NLRP1: variants seen among roughly 807,000 people sequenced by gnomAD.
NLRP1 encodes the protein NLR family pyrin domain containing 1, also known as NACHT, LRR and PYD domains-containing protein 1.
In NLRP1, 94 loss-of-function variants were observed where a neutral mutation model predicts 136.7. The ratio of observed to expected loss-of-function variants is 0.69; its 90% CI spans 0.58 to 0.82. The LOEUF is 0.82. Among genes scored for constraint, NLRP1 ranks in the 40% least tolerant of loss-of-function variants. NLRP1 has a pLI of 0.00. For missense variants in NLRP1, 1,575 were observed against 1,802.7 expected (o/e 0.87, Z 2.29); for synonymous variants, 690 against 725.1 (o/e 0.95, Z 0.78).
Position 5,559,842 on chromosome 17 carries a change from T to C in NLRP1, c.854A>G (p.Gln285Arg), listed in dbSNP as rs1394944058. The change falls in exon 4 of 17, where the codon CAA (glutamine) becomes CGA (arginine). Residue 285 changes from glutamine to arginine, a missense_variant. By Grantham distance (43) the Gln-to-Arg change is conservative. Coordinates refer to ENST00000572272, the MANE Select transcript of NLRP1 (RefSeq NM_033004.4). ...ATCTTGGCTTCTGGGGTGAGGTCTT[T>C]GTAGAAGTAGCAGCTGTGTGAATTT... ...NQKFTQLLLL[Q>R]RPHPRSQDPL... 1.9e-6 allele frequency: 3 copies of C among 1,614,242 alleles called. No individual in the cohort carries two copies. In the East Asian group the frequency reaches 6.7e-5, roughly 36 times the overall value.
At chr17:5,523,849 A>G (rs1485222466) in intron 12 of NLRP1, among the ~76,000 whole-genome samples, 1 of 152,254 alleles carries the variant, frequency 6.6e-6, no homozygotes, top group African/African-American at 2.4e-5. Context: ...ATGAAAATAA[A>G]GTCACAGTGG....
intron 3 of NLRP1, among the ~76,000 whole-genome samples, chr17:5,563,511 A>C (rs761916470): frequency 2.0e-5 from 3 of 152,262 alleles, no homozygotes; most frequent in Admixed American, 6.5e-5. Flanking sequence ...GGATAGACCA[A>C]GCTGAGGAAA....
chr17:5,574,088 T>A (rs1170768917), intron 3 of NLRP1, among the ~76,000 whole-genome samples: 1 of 152,088 alleles, frequency 6.6e-6, no homozygotes, highest in Non-Finnish European at 1.5e-5. Context: ...CTAACTAAAA[T>A]AACCAGTGTA....
Position 5,553,508 on chromosome 17 carries a change from G to A in NLRP1, c.2406C>T (p.Ser802=), listed in dbSNP as rs144773865. ...TCAGGTTTCTGGTGACCTTGAGGAC[G>A]GAGAAGAGAATCTGCCAATAGGCAT... The part of the protein sequence containing the change: ...VTDAYWQILF[S]VLKVTRNLKE... The change falls in exon 5 of 17, where the codon TCC becomes TCT. Residue 802 remains serine (S), a synonymous_variant. Coordinates refer to ENST00000572272, the MANE Select transcript of NLRP1 (RefSeq NM_033004.4). 2.2e-3 allele frequency: 3,610 copies of A among 1,614,158 alleles called. 60 individuals are homozygous for A. In the African/African-American group the frequency reaches 0.038, roughly 17 times the overall value.
At chr17:5,580,003 G>A (rs1291838090) in intron 3 of NLRP1, among the ~76,000 whole-genome samples, 1 of 152,172 alleles carries the variant, frequency 6.6e-6, no homozygotes, top group Admixed American at 6.5e-5. Context: ...GGTGGCTGAG[G>A]TGGGTGGATC....
intron 3 of NLRP1, among the ~76,000 whole-genome samples, chr17:5,561,293 G>T (rs1240009516): frequency 2.0e-5 from 3 of 152,162 alleles, no homozygotes; most frequent in Non-Finnish European, 4.4e-5. Flanking sequence ...GACCTCACGT[G>T]ATCTGCCCGC....
At chr17:5,554,039 C>T (rs1423262095) in intron 4 of NLRP1, among the ~76,000 whole-genome samples, 2 of 152,008 alleles carry the variant, frequency 1.3e-5, no homozygotes, top group East Asian at 3.8e-4. Flanking sequence ...TTCTGGAGTC[C>T]CAGTGCCCAG....
chr17:5,540,154 G>T (rs1911686559), intron 6 of NLRP1, among the ~76,000 whole-genome samples: 1 of 152,202 alleles, frequency 6.6e-6, no homozygotes, highest in South Asian at 2.1e-4. Context: ...AGACAATCTG[G>T]CTGCTCATAA....
At chr17:5,568,329 A>C (rs1380681496) in intron 3 of NLRP1, among the ~76,000 whole-genome samples, 2 of 152,092 alleles carry the variant, frequency 1.3e-5, no homozygotes, top group Non-Finnish European at 2.9e-5. Flanking sequence ...TGCTGGATCC[A>C]TTCTGCTATG....
intron 5 of NLRP1, among the ~76,000 whole-genome samples, chr17:5,543,962 A>C (rs1425238298): frequency 1.3e-5 from 2 of 152,156 alleles, no homozygotes; most frequent in African/African-American, 4.8e-5. Context: ...CAGGGGTGTG[A>C]GAAGGACCCT....
At position 5,532,753 on chromosome 17, in the gene NLRP1, T is replaced by C. The variant is rs146565221; in HGVS notation, c.3296+69A>G. On this transcript the variant is annotated intron_variant, in intron 11 of 16. Coordinates refer to ENST00000572272, the MANE Select transcript of NLRP1 (RefSeq NM_033004.4). The stretch of plus-strand genomic sequence containing the variant: ...GGGGTAGGGGGTGGCGCTGACTGTC[T>C]GTGGGGACCCAGGATGGGCAGTGGG... 889 of 1,420,582 alleles carry C rather than the reference T, an allele frequency of 6.3e-4. 5 individuals are homozygous for C. In the African/African-American group the frequency reaches 0.011, roughly 18 times the overall value. The allele number at this position is 1,420,582 out of a possible 1,614,324, so 88.0% of individuals were successfully genotyped here.
chr17:5,556,703 A>G (rs576473477), intron 4 of NLRP1, among the ~76,000 whole-genome samples: 1 of 151,850 alleles, frequency 6.6e-6, no homozygotes, highest in African/African-American at 2.4e-5. Context: ...GCTCACTGCA[A>G]CCTCTGCCCC....
chr17:5,535,975 G>C (rs532914750), intron 8 of NLRP1, among the ~76,000 whole-genome samples: 10 of 151,568 alleles, frequency 6.6e-5, no homozygotes, highest in Non-Finnish European at 1.2e-4. Flanking sequence ...CTTTTTCCCA[G>C]GGCACAGGCG....
Position 5,584,100 on chromosome 17 carries a change from G to T in NLRP1, c.-143C>A. 1 of 804,608 alleles carries T rather than the reference G, an allele frequency of 1.2e-6. No homozygotes were observed. Among genetic ancestry groups the T allele is most frequent in the Non-Finnish European group, 1.9e-6 (1 of 521,512 alleles). 49.8% of individuals were successfully genotyped at this position (804,608 alleles called of 1,614,324 possible). A position where few individuals can be genotyped will look rare whatever the true frequency, so the allele number is the denominator to read the frequency against. On this transcript the variant is annotated 5_prime_UTR_variant, in exon 1 of 17. Coordinates refer to ENST00000572272, the MANE Select transcript of NLRP1 (RefSeq NM_033004.4). ...GGAACCCAGTTTTATAAATCCCAGGGCACCTACAGATAGACGCCGATAGAG... is the reference window on the plus strand; with the variant it reads ...GGAACCCAGTTTTATAAATCCCAGGTCACCTACAGATAGACGCCGATAGAG...
chr17:5,524,170 C>T (rs906468618), intron 12 of NLRP1, among the ~76,000 whole-genome samples: 2 of 152,216 alleles, frequency 1.3e-5, no homozygotes, highest in African/African-American at 2.4e-5. Context: ...GCCTCGGCCT[C>T]CCAGACCGCG....
At chr17:5,501,948 T>C (rs923122348) in intron 15 of NLRP1, 3 of 1,335,950 alleles carry the variant, frequency 2.2e-6, no homozygotes, top group African/African-American at 1.4e-5. Flanking sequence ...GCCGGCTTTG[T>C]TAGTTGCAGC....
At chr17:5,531,717 G>A (rs1418385664) in intron 11 of NLRP1, among the ~76,000 whole-genome samples, 2 of 152,236 alleles carry the variant, frequency 1.3e-5, no homozygotes, top group East Asian at 1.9e-4. Context: ...GTGGTAACAT[G>A]TTATATAAGA....
chr17:5,514,748 G>A lies in NLRP1; in HGVS notation c.*6C>T, dbSNP rs34156685. 2 of 1,613,704 alleles carry A rather than the reference G, an allele frequency of 1.2e-6. No homozygotes were observed. The highest frequency in any genetic ancestry group is 1.7e-6 in the Non-Finnish European group (2 of 1,179,652). On this transcript the variant is annotated 3_prime_UTR_variant, in exon 17 of 17. Transcript: ENST00000572272. Reference sequence around the variant, plus strand: ...GACTCAAGGGTCAAGGGCTGGTGTTGATACTTCAGCTGCTGAGTGGCAGGA... The same window carrying A: ...GACTCAAGGGTCAAGGGCTGGTGTTAATACTTCAGCTGCTGAGTGGCAGGA...
In NLRP1 at chr17:5,550,139, ATTTT is replaced by A. The variant is rs60570487; in HGVS notation, c.2528+3243_2528+3246del. On this transcript the variant is annotated intron_variant, in intron 5 of 16. Transcript: ENST00000572272. ...ATTCATAAAGGATGTTGGCCTGCAG[ATTTT>A]TTTTTTTCTCTTGTGATGCTTTTGG... 5.7e-4 allele frequency among the ~76,000 whole-genome samples: 85 copies of A among 150,120 alleles called. 1 individual carries two copies. The highest frequency in any genetic ancestry group is 3.2e-3 in the Middle Eastern group (1 of 308).
Sources: gnomAD v4.1 joint callset for allele counts (sites outside exome capture counted in the v4.1 genomes callset) on GRCh38, gnomAD v4.1.1 for gene constraint, MANE v1.5 for transcripts, NCBI Gene and HGNC (gene_info 2026-07-23, HGNC 2026-07-21) for gene names.